SORBS2: variants seen among roughly 807,000 people sequenced by gnomAD.
The protein encoded by SORBS2 is sorbin and SH3 domain containing 2.
SORBS2 carries 46 observed loss-of-function variants against 97.7 expected under a neutral mutation model. The ratio of observed to expected loss-of-function variants is 0.47; its 90% CI spans 0.37 to 0.60. The LOEUF is 0.60. Ranked by LOEUF, SORBS2 falls within the 20% of genes least tolerant of loss-of-function variation. The pLI, the probability that SORBS2 is intolerant of heterozygous loss-of-function variation, is 0.00. For synonymous variants in SORBS2, 476 were observed against 473.4 expected (o/e 1.01, Z -0.07); for missense variants, 1,316 against 1,282.3 (o/e 1.03, Z -0.40).
Position 185,833,093 on chromosome 4 carries a change from T to C in SORBS2, c.-337-57727A>G, listed in dbSNP as rs983340072. Among the ~76,000 whole-genome samples, 3 of 152,208 alleles carry C rather than the reference T, an allele frequency of 2.0e-5. No individual in the cohort carries two copies. In the East Asian group the frequency reaches 5.8e-4, roughly 29 times the overall value. On this transcript the variant is annotated intron_variant, in intron 1 of 20. Coordinates refer to the SORBS2 transcript ENST00000284776. ...CATTTTTGTTATCACATTTTCTTCA[T>C]ATGTGGTCTTAAAATGGCTAATTCC...
chr4:185,772,558 G>A (rs1254160613), intron 2 of SORBS2: 1 of 152,150 alleles, frequency 6.6e-6, no homozygotes, highest in Non-Finnish European at 1.5e-5. Flanking sequence ...GCTCTCCCGG[G>A]ACTTCCTTCC....
intron 1 of SORBS2, among the ~76,000 whole-genome samples, chr4:185,654,083 T>C (rs1338630384): frequency 6.6e-6 from 1 of 152,206 alleles, no homozygotes; most frequent in Non-Finnish European, 1.5e-5. Flanking sequence ...TATATTATTC[T>C]GAAAAATCAC....
chr4:185,938,723 A>G lies in SORBS2; in HGVS notation c.-338+17473T>C, dbSNP rs184311959. 1.3e-3 allele frequency among the ~76,000 whole-genome samples: 196 copies of G among 146,026 alleles called. 1 individual carries two copies. Among genetic ancestry groups the G allele is most frequent in the African/African-American group, 4.9e-3 (191 of 39,240 alleles). ...TATGAGTTTCCCGCCTGTCAGCACC[A>G]CTCCCCACAACTGCTTTCCCCCCCA... On this transcript the variant is annotated intron_variant, in intron 1 of 20. Coordinates refer to the SORBS2 transcript ENST00000284776.
intron 2 of SORBS2, among the ~76,000 whole-genome samples, chr4:185,712,576 G>A (rs2098431791): frequency 6.6e-6 from 1 of 152,262 alleles, no homozygotes; most frequent in Admixed American, 6.5e-5. Flanking sequence ...CCACTAAGCT[G>A]TTAACACTTA....
intron 2 of SORBS2, 77 bp downstream of exon 11, chr4:185,651,706 GA>G: frequency 1.2e-5 from 10 of 830,858 alleles, no homozygotes; most frequent in Admixed American, 3.7e-5. Context: ...AACAGAAGGG[GA>G]AAAAAGGTGA....
At chr4:185,940,982 G>T (rs947895628) in intron 1 of SORBS2, among the ~76,000 whole-genome samples, 1 of 152,126 alleles carries the variant, frequency 6.6e-6, no homozygotes, top group Middle Eastern at 3.2e-3. Flanking sequence ...GTGAGTAGAG[G>T]CTAGGGATGC....
At chr4:185,656,891 A>AT (rs552347592) in exon 1 of SORBS2, 4 of 1,261,494 alleles carry the variant, frequency 3.2e-6, no homozygotes, top group Non-Finnish European at 4.0e-6. Context: ...TAAAATGTGT[A>AT]TTTTTCTTCA....
chr4:185,657,904 A>T (rs547421440), upstream of SORBS2, among the ~76,000 whole-genome samples: 4 of 152,312 alleles, frequency 2.6e-5, no homozygotes, highest in East Asian at 7.7e-4. Context: ...TTATCCTTCC[A>T]GTAATCTTTG....
chr4:185,917,289 C>T (rs10008724), intron 1 of SORBS2, among the ~76,000 whole-genome samples: 8 of 152,156 alleles, frequency 5.3e-5, no homozygotes, highest in Non-Finnish European at 5.9e-5. Context: ...TGCAGTGGCA[C>T]GATCTCAGCT....
Position 185,606,019 on chromosome 4 carries a change from C to T in SORBS2, c.2796+5761G>A. ...TGTGAAGTCAACACAAAGAGAACGACCTCTTTAGAAAATCGAAAGGGGACA... is the reference window on the plus strand; with the variant it reads ...TGTGAAGTCAACACAAAGAGAACGATCTCTTTAGAAAATCGAAAGGGGACA... On this transcript the variant is annotated intron_variant, in intron 12 of 14. Coordinates refer to ENST00000418609, the Ensembl canonical transcript of SORBS2. The surrounding 1 kb of genome is among the most constrained non-coding windows in gnomAD (Gnocchi z 4.3). 1 of 835,794 alleles carries T rather than the reference C, an allele frequency of 1.2e-6. No individual in the cohort carries two copies. The highest frequency in any genetic ancestry group is 5.5e-5 in the South Asian group (1 of 18,206). 51.8% of individuals were successfully genotyped at this position (835,794 alleles called of 1,614,324 possible).
chr4:185,933,527 G>T lies in SORBS2; in HGVS notation c.-338+22669C>A, dbSNP rs569754652. 9.2e-5 allele frequency among the ~76,000 whole-genome samples: 14 copies of T among 152,276 alleles called. 1 individual carries two copies. The highest frequency in any genetic ancestry group is 1.0e-4 in the Non-Finnish European group (7 of 68,026). ...GTTCCTTCTGAGGCTGTGCGGGAGA[G>T]TCTGTTGCTTGCCTTTCCCCTTGCT... On this transcript the variant is annotated intron_variant, in intron 1 of 20. Coordinates refer to the SORBS2 transcript ENST00000284776.
intron 2 of SORBS2, among the ~76,000 whole-genome samples, chr4:185,758,958 C>T (rs1028790623): frequency 2.0e-5 from 3 of 152,240 alleles, no homozygotes; most frequent in Non-Finnish European, 4.4e-5. Flanking sequence ...CTCTTACCTA[C>T]TGTATAATCT....
rs978397458 is a variant in SORBS2, at chr4:185,638,003, T to C, written c.397-7405A>G. The C allele has an allele frequency of 8.8e-6, 8 of 906,612 alleles. No individual in the cohort carries two copies. The African/African-American group carries it at 1.3e-4, about 15-fold the overall frequency. 56.2% of individuals were successfully genotyped at this position (906,612 alleles called of 1,614,324 possible). A position where few individuals can be genotyped will look rare whatever the true frequency, so the allele number is the denominator to read the frequency against. ...CTTTGTTCTCTGAATGACACCCACG[T>C]CTACTGATAATTGTATTTTAGAAAT... On this transcript the variant is annotated intron_variant, in intron 4 of 14. Transcript: ENST00000418609.
At chr4:185,841,615 C>A (rs976949461) in intron 1 of SORBS2, among the ~76,000 whole-genome samples, 2 of 152,146 alleles carry the variant, frequency 1.3e-5, no homozygotes, top group African/African-American at 2.4e-5. Context: ...TGAGTAGGTG[C>A]ATGGGTTTTG....
At chr4:185,602,951 A>C (rs908541981) in intron 12 of SORBS2, among the ~76,000 whole-genome samples, 3 of 152,250 alleles carry the variant, frequency 2.0e-5, no homozygotes, top group African/African-American at 7.2e-5. Context: ...GAGATAAAAC[A>C]GAGAAAATCA....
chr4:185,898,023 C>A (rs907924325), intron 1 of SORBS2, among the ~76,000 whole-genome samples: 1 of 152,210 alleles, frequency 6.6e-6, no homozygotes, highest in Admixed American at 6.5e-5. Context: ...GGCAACAGAG[C>A]AAGACCCCGT....
chr4:185,910,487 C>G (rs142820997), intron 1 of SORBS2, among the ~76,000 whole-genome samples: 1,943 of 152,280 alleles, frequency 0.013, 41 homozygotes, highest in African/African-American at 0.044. Context: ...GCCTCATATT[C>G]AGAACACAGA....
rs543653922 is a variant in SORBS2, at chr4:185,598,260, G to A, written c.2797-4325C>T. Reference sequence around the variant, plus strand: ...AGAAAAATCCAGTGAAGCATGCTGCGGTTTTCATCGTATCCTAAATATGTA... The same window carrying A: ...AGAAAAATCCAGTGAAGCATGCTGCAGTTTTCATCGTATCCTAAATATGTA... On this transcript the variant is annotated intron_variant, in intron 12 of 14. Transcript: ENST00000418609. 7.2e-5 allele frequency among the ~76,000 whole-genome samples: 11 copies of A among 152,202 alleles called. No individual in the cohort carries two copies. The East Asian group carries it at 7.7e-4, about 11-fold the overall frequency.
chr4:185,920,871 A>G (rs1182691906), intron 1 of SORBS2, among the ~76,000 whole-genome samples: 2 of 152,254 alleles, frequency 1.3e-5, no homozygotes, highest in African/African-American at 2.4e-5. Flanking sequence ...TCATCTGTAC[A>G]AATTCACAGA....
Sources: allele counts gnomAD v4.1 joint callset (sites outside exome capture counted in the v4.1 genomes callset), GRCh38; gene constraint gnomAD v4.1.1; non-coding constraint Gnocchi (gnomAD v3.1); transcripts MANE v1.5; gene names NCBI Gene and HGNC (gene_info 2026-07-23, HGNC 2026-07-21).